ZBTB20: variants seen among roughly 807,000 people sequenced by gnomAD.
ZBTB20 encodes zinc finger and BTB domain-containing protein 20.
ZBTB20 carries 9 observed loss-of-function variants against 56.9 expected under a neutral mutation model. The observed-to-expected ratio is 0.16, with a 90% CI of 0.10 to 0.28. ZBTB20 has a LOEUF of 0.28. Among genes scored for constraint, ZBTB20 ranks in the 10% least tolerant of loss-of-function variants. The pLI is 1.00. For synonymous variants in ZBTB20, 417 were observed against 420.7 expected (o/e 0.99, Z 0.11); for missense variants, 655 against 1,003.0 (o/e 0.65, Z 4.69).
intron 4 of ZBTB20, among the ~76,000 whole-genome samples, chr3:114,891,965 T>G (rs1163989239): frequency 1.3e-5 from 2 of 152,054 alleles, no homozygotes; most frequent in Non-Finnish European, 2.9e-5. Flanking sequence ...GAGAATTGTT[T>G]GAACCCAGGA....
intron 1 of ZBTB20, among the ~76,000 whole-genome samples, chr3:115,079,865 T>G (rs2082734649): frequency 6.6e-6 from 1 of 152,202 alleles, no homozygotes; most frequent in Admixed American, 6.6e-5. Flanking sequence ...TACATTACAT[T>G]ACATTATTAA....
intron 7 of ZBTB20, among the ~76,000 whole-genome samples, chr3:114,400,382 T>C (rs2086713546): frequency 6.6e-6 from 1 of 152,164 alleles, no homozygotes; most frequent in South Asian, 2.1e-4. Flanking sequence ...GTGGAAGTGC[T>C]TTGTATAGTG....
At chr3:114,844,327 GTAAATATATA>G (rs1383198942) in intron 4 of ZBTB20, among the ~76,000 whole-genome samples, 3 of 74,428 alleles carry the variant, frequency 4.0e-5, no homozygotes, top group Non-Finnish European at 6.8e-5. Flanking sequence ...AATTACTGGA[GTAAATATATA>G]TATATATATA....
intron 5 of ZBTB20, among the ~76,000 whole-genome samples, chr3:114,696,136 T>A (rs1225175745): frequency 2.6e-5 from 4 of 152,036 alleles, no homozygotes; most frequent in Non-Finnish European, 5.9e-5. Flanking sequence ...ACAGAGAACC[T>A]CACATTTGGG....
intron 6 of ZBTB20, among the ~76,000 whole-genome samples, chr3:114,583,919 G>C: frequency 6.6e-6 from 1 of 152,224 alleles, no homozygotes; most frequent in East Asian, 1.9e-4. Flanking sequence ...TTTAGGCCGA[G>C]CTCTGCCACA....
At chr3:114,509,239 T>C (rs2045024738) in intron 6 of ZBTB20, among the ~76,000 whole-genome samples, 2 of 152,150 alleles carry the variant, frequency 1.3e-5, no homozygotes, top group South Asian at 4.1e-4. Flanking sequence ...TCTTTGGGGA[T>C]ACTCTTAGTG....
chr3:115,096,181 A>G (rs2083373746), intron 1 of ZBTB20, among the ~76,000 whole-genome samples: 1 of 152,240 alleles, frequency 6.6e-6, no homozygotes, highest in Non-Finnish European at 1.5e-5. Context: ...TAATTTAATG[A>G]TAACTCTGGC....
intron 3 of ZBTB20, among the ~76,000 whole-genome samples, chr3:114,921,633 A>G (rs1158221467): frequency 2.0e-5 from 3 of 148,038 alleles, no homozygotes; most frequent in African/African-American, 7.5e-5. Flanking sequence ...CAAACACCGC[A>G]TGTCCTCACT....
intron 2 of ZBTB20, among the ~76,000 whole-genome samples, chr3:114,996,141 C>T (rs948394797): frequency 6.6e-6 from 1 of 151,802 alleles, no homozygotes; most frequent in Non-Finnish European, 1.5e-5. Flanking sequence ...ATTATGAGGA[C>T]ACTGCCTTAT....
At chr3:114,586,181 C>G (rs1239104767) in intron 6 of ZBTB20, among the ~76,000 whole-genome samples, 5 of 152,190 alleles carry the variant, frequency 3.3e-5, no homozygotes, top group Non-Finnish European at 7.3e-5. Flanking sequence ...AAGAGAATTA[C>G]TAAGCAATTA....
chr3:114,777,599 A>G (rs989009951), intron 5 of ZBTB20, among the ~76,000 whole-genome samples: 2 of 152,254 alleles, frequency 1.3e-5, no homozygotes, highest in African/African-American at 4.8e-5. Context: ...GAAACAACAG[A>G]TGCTGGAGAG....
At chr3:114,734,952 C>A (rs2066036430) in intron 5 of ZBTB20, among the ~76,000 whole-genome samples, 1 of 151,946 alleles carries the variant, frequency 6.6e-6, no homozygotes, top group Non-Finnish European at 1.5e-5. Context: ...AACCCACTAC[C>A]CAGAGAAAAC....
chr3:114,671,988 G>A (rs576471384), intron 6 of ZBTB20, among the ~76,000 whole-genome samples: 1 of 152,156 alleles, frequency 6.6e-6, no homozygotes, highest in East Asian at 1.9e-4. Context: ...ACTCCACCAT[G>A]GAATTCTCAC....
intron 5 of ZBTB20, among the ~76,000 whole-genome samples, chr3:114,780,052 A>G (rs973494055): frequency 1.3e-5 from 2 of 152,216 alleles, no homozygotes; most frequent in African/African-American, 4.8e-5. Flanking sequence ...CAGACTTTAA[A>G]TCCTGAATAA....
At position 114,316,149 on chromosome 3, in the gene ZBTB20, C is replaced by A. The variant is rs1324045190; in HGVS notation, c.*22856G>T. ...TAAAAATGTTTTTCATAGCCAGAAA[C>A]TGAAATCAAATCAACATGACTAAAA... On this transcript the variant is annotated 3_prime_UTR_variant, in exon 12 of 12. Coordinates refer to ENST00000675478, the MANE Select transcript of ZBTB20 (RefSeq NM_001348800.3). 4.1e-6 allele frequency: 1 copy of A among 245,384 alleles called. No individual in the cohort carries two copies. Among genetic ancestry groups the A allele is most frequent in the East Asian group, 1.7e-4 (1 of 5,724 alleles). The allele number at this position is 245,384 out of a possible 1,614,324, so 15.2% of individuals were successfully genotyped here. A position where few individuals can be genotyped will look rare whatever the true frequency, so the allele number is the denominator to read the frequency against.
At chr3:114,894,675 T>C (rs919906338) in intron 4 of ZBTB20, among the ~76,000 whole-genome samples, 1 of 151,990 alleles carries the variant, frequency 6.6e-6, no homozygotes, top group African/African-American at 2.4e-5. Context: ...TGGAGAGACA[T>C]AGGAAGGAGA....
rs895225869 is a variant in ZBTB20, at chr3:114,333,706, C to T, written c.*5299G>A. On this transcript the variant is annotated 3_prime_UTR_variant, in exon 12 of 12. Transcript: ENST00000675478. ...TCTTTTTCTGAGGAACAAAATTGGC[C>T]ATTTAAATAAAGTTCTTTTCTAGTG... 7.2e-5 allele frequency: 11 copies of T among 151,838 alleles called. No individual in the cohort carries two copies. The highest frequency in any genetic ancestry group is 2.7e-4 in the African/African-American group (11 of 41,290). 9.4% of individuals were successfully genotyped at this position (151,838 alleles called of 1,614,324 possible). A position where few individuals can be genotyped will look rare whatever the true frequency, so the allele number is the denominator to read the frequency against.
At chr3:114,537,379 GA>G (rs1294510430) in intron 6 of ZBTB20, among the ~76,000 whole-genome samples, 1 of 152,118 alleles carries the variant, frequency 6.6e-6, no homozygotes, top group Non-Finnish European at 1.5e-5. Flanking sequence ...ACGAACATAT[GA>G]AAAAAAGCTC....
At chr3:114,573,037 A>G (rs1461441722) in intron 6 of ZBTB20, among the ~76,000 whole-genome samples, 1 of 152,366 alleles carries the variant, frequency 6.6e-6, no homozygotes, top group South Asian at 2.1e-4. Flanking sequence ...AAATTTAGAA[A>G]TTACAAATGA....
Sources: gnomAD v4.1 joint callset for allele counts (sites outside exome capture counted in the v4.1 genomes callset) on GRCh38, gnomAD v4.1.1 for gene constraint, MANE v1.5 for transcripts, NCBI Gene and HGNC (gene_info 2026-07-23, HGNC 2026-07-21) for gene names.